ADHFE1: variants seen among roughly 807,000 people sequenced by gnomAD.
The protein encoded by ADHFE1 is hydroxyacid-oxoacid transhydrogenase, mitochondrial.
Under a neutral mutation model 54.8 loss-of-function variants are expected in ADHFE1, and 37 were observed. The ratio of observed to expected loss-of-function variants is 0.68; its 90% CI spans 0.52 to 0.89. ADHFE1 has a LOEUF of 0.89. ADHFE1 is among the 40% of genes least tolerant of loss of function. The pLI is 0.00. For missense variants in ADHFE1, 601 were observed against 591.2 expected, an observed-to-expected ratio of 1.02 and a Z score of -0.17; for synonymous variants, 203 against 229.3, an observed-to-expected ratio of 0.89 and a Z score of 1.04.
chr8:66,432,739 G>A, intron 1 of ADHFE1, 164 bp downstream of exon 1: 2 of 1,231,966 alleles, frequency 1.6e-6, no homozygotes, highest in Non-Finnish European at 2.0e-6. Context: ...GGAACAGCGA[G>A]GTCACAGAGT....
At chr8:66,432,727 G>C in intron 1 of ADHFE1, 152 bp downstream of exon 1, 1 of 1,232,760 alleles carries the variant, frequency 8.1e-7, no homozygotes, top group Non-Finnish European at 1.0e-6. Context: ...CGCGCGCCAG[G>C]CGGAACAGCG....
rs768417068 is a variant in ADHFE1 at position 66,448,620 on chromosome 8, A to G, written c.629-245A>G. 3.3e-5 allele frequency among the ~76,000 whole-genome samples: 5 copies of G among 152,332 alleles called. No homozygotes were observed. In the South Asian group the frequency reaches 6.2e-4, roughly 19 times the overall value. ...CCATGGCCAGTGACATCACTCATCCAGGAGTAGGAAAGAGATGCATACACA... is the reference window on the plus strand; with the variant it reads ...CCATGGCCAGTGACATCACTCATCCGGGAGTAGGAAAGAGATGCATACACA... On this transcript the variant is annotated intron_variant, in intron 7 of 13. Coordinates refer to ENST00000396623, the MANE Select transcript of ADHFE1 (RefSeq NM_144650.3).
chr8:66,459,594 T>G (rs1806789204), intron 12 of ADHFE1: 1 of 151,884 alleles, frequency 6.6e-6, no homozygotes, highest in Non-Finnish European at 1.5e-5. Flanking sequence ...AATTCTGCCC[T>G]TATGTATCTT....
chr8:66,454,035 G>C (rs761346659), intron 9 of ADHFE1, 24 bp from the exon 10 acceptor site: 1 of 1,612,020 alleles, frequency 6.2e-7, no homozygotes, highest in Non-Finnish European at 8.5e-7. Context: ...ATGTGTTATT[G>C]TTAGGTATTT....
chr8:66,434,163 AAT>A (rs1462696294), intron 1 of ADHFE1, among the ~76,000 whole-genome samples: 1 of 152,202 alleles, frequency 6.6e-6, no homozygotes, highest in Non-Finnish European at 1.5e-5. Context: ...TTTGTATCTG[AAT>A]AGTGAAGAGT....
At position 66,439,467 on chromosome 8, in the gene ADHFE1, A is replaced by G; in HGVS notation, c.60-695A>G. The stretch of plus-strand genomic sequence containing the variant: ...CAGCCAGGGGAGGGAGGGTTTCCAA[A>G]AAGGAGGACGTGGGAAATCTGTAGA... On this transcript the variant is annotated intron_variant, in intron 1 of 13. Coordinates refer to ENST00000396623, the MANE Select transcript of ADHFE1 (RefSeq NM_144650.3). The surrounding 1 kb of genome is among the most constrained non-coding windows in gnomAD (Gnocchi z 4.4). 4 of 986,104 alleles carry G rather than the reference A, an allele frequency of 4.1e-6. No homozygotes were observed. Among genetic ancestry groups the G allele is most frequent in the Non-Finnish European group, 4.8e-6 (4 of 830,358 alleles). The allele number at this position is 986,104 out of a possible 1,614,324, so 61.1% of individuals were successfully genotyped here.
chr8:66,435,914 CT>C (rs35544367), intron 1 of ADHFE1, among the ~76,000 whole-genome samples: 60,427 of 102,210 alleles, frequency 0.59, 16,514 homozygotes, highest in East Asian at 0.76. Context: ...TAGCAAGATT[CT>C]TTTTTTTTTT....
intron 6 of ADHFE1, 63 bp from the exon 7 acceptor site, chr8:66,447,201 A>C (rs962482567): frequency 2.1e-5 from 31 of 1,446,828 alleles, no homozygotes; most frequent in Non-Finnish European, 2.8e-5. Context: ...CTAAGGCTGA[A>C]TTAGGTATCT....
intron 6 of ADHFE1, among the ~76,000 whole-genome samples, chr8:66,446,113 T>C (rs776713953): frequency 2.0e-5 from 3 of 152,182 alleles, no homozygotes; most frequent in Admixed American, 6.5e-5. Context: ...TTCTCCCCTC[T>C]CCTGCCCTAT....
Position 66,448,893 on chromosome 8 carries a change from A to C in ADHFE1, c.657A>C (p.Thr219=), listed in dbSNP as rs775204738. 1 of 1,614,120 alleles carries C rather than the reference A, an allele frequency of 6.2e-7. No individual in the cohort carries two copies. Among genetic ancestry groups the C allele is most frequent in the South Asian group, 1.1e-5 (1 of 91,086 alleles). The change falls in exon 8 of 14, where the codon ACA becomes ACC. Residue 219 remains threonine (T), a synonymous_variant. Coordinates refer to ENST00000396623, the MANE Select transcript of ADHFE1 (RefSeq NM_144650.3). The part of the protein sequence containing the change: ...IGITSRAIKP[T]LGLIDPLHTL... ...TCACTTCGAGAGCCATCAAACCCAC[A>C]CTGGGACTGATTGATCCTCTGCACA... is the stretch of plus-strand genomic sequence containing the variant.
chr8:66,454,964 G>A (rs1210535852), intron 10 of ADHFE1, among the ~76,000 whole-genome samples: 2 of 151,806 alleles, frequency 1.3e-5, no homozygotes, highest in African/African-American at 4.8e-5. Flanking sequence ...TTATCCACCC[G>A]CCTCCACCCC....
At chr8:66,457,908 T>C (rs576054633) in intron 12 of ADHFE1, among the ~76,000 whole-genome samples, 40 of 152,316 alleles carry the variant, frequency 2.6e-4, no homozygotes, top group Non-Finnish European at 5.0e-4. Context: ...AAATTCCTAA[T>C]TATAGAGAAT....
At chr8:66,452,277 A>T (rs943596139) in intron 9 of ADHFE1, among the ~76,000 whole-genome samples, 172 bp downstream of exon 9, 11 of 152,232 alleles carry the variant, frequency 7.2e-5, no homozygotes, top group African/African-American at 1.7e-4. Context: ...CCCAAGGGAC[A>T]GGCAGATGAA....
At chr8:66,451,081 A>T (rs1024320483) in intron 8 of ADHFE1, among the ~76,000 whole-genome samples, 5 of 152,244 alleles carry the variant, frequency 3.3e-5, no homozygotes, top group African/African-American at 1.2e-4. Flanking sequence ...ACTATAATTC[A>T]TGCAAAATAT....
intron 1 of ADHFE1, among the ~76,000 whole-genome samples, chr8:66,438,842 TGAGATAGCCTCA>T (rs1426074949): frequency 6.8e-6 from 1 of 146,516 alleles, no homozygotes; most frequent in African/African-American, 2.6e-5. Flanking sequence ...AATAATGAAT[TGAGATAGCCTCA>T]GAGCTTGGGG....
At chr8:66,440,587 G>T (rs563631227) in intron 2 of ADHFE1, among the ~76,000 whole-genome samples, 46 of 152,260 alleles carry the variant, frequency 3.0e-4, no homozygotes, top group Middle Eastern at 3.4e-3. Context: ...GAACAAGGTG[G>T]TTCCTAGAAA....
At chr8:66,460,136 G>A in intron 12 of ADHFE1, 172 bp from the exon 13 acceptor site, 1 of 731,798 alleles carries the variant, frequency 1.4e-6, no homozygotes, top group Non-Finnish European at 2.3e-6. Flanking sequence ...TCAGAGCTAA[G>A]TGAGCTCCCC....
intron 7 of ADHFE1, among the ~76,000 whole-genome samples, chr8:66,447,889 T>C (rs1019650853): frequency 3.3e-5 from 5 of 152,242 alleles, no homozygotes; most frequent in Non-Finnish European, 7.3e-5. Flanking sequence ...ATTTTTTACA[T>C]TTTAAATCAA....
In ADHFE1 at chr8:66,444,606, A is replaced by T; in HGVS notation, c.211A>T (p.Met71Leu). 1 of 1,614,156 alleles carries T rather than the reference A, an allele frequency of 6.2e-7. No homozygotes were observed. The highest frequency in any genetic ancestry group is 8.5e-7 in the Non-Finnish European group (1 of 1,180,012). The change falls in exon 5 of 14, where the codon ATG (methionine) becomes TTG (leucine). Residue 71 changes from methionine to leucine, a missense_variant. Coordinates refer to ENST00000396623, the MANE Select transcript of ADHFE1 (RefSeq NM_144650.3). Reference sequence around the variant, plus strand: ...GGTTTTCTTGTAGGACCTAAAAAACATGGGTGCTAAAAATGTGTGCTTGAT... The same window carrying T: ...GGTTTTCTTGTAGGACCTAAAAAACTTGGGTGCTAAAAATGTGTGCTTGAT... ...TKEVGMDLKN[M>L]GAKNVCLMTD...
Sources: gnomAD v4.1 joint callset for allele counts (sites outside exome capture counted in the v4.1 genomes callset) on GRCh38, gnomAD v4.1.1 for gene constraint, Gnocchi (gnomAD v3.1) non-coding constraint, MANE v1.5 for transcripts, NCBI Gene and HGNC (gene_info 2026-07-23, HGNC 2026-07-21) for gene names.